RIMS2: variants seen among roughly 807,000 people sequenced by gnomAD.
RIMS2 encodes regulating synaptic membrane exocytosis protein 2.
In RIMS2, 59 loss-of-function variants were observed where a neutral mutation model predicts 174.4. The ratio of observed to expected loss-of-function variants is 0.34; its 90% confidence interval spans 0.27 to 0.42. The LOEUF (loss-of-function observed/expected upper bound fraction) is 0.42. RIMS2 is among the 10% of genes least tolerant of loss of function. The probability of loss-of-function intolerance (pLI) is 1.00; values close to 1 mark genes in which losing one functional copy is unlikely to be tolerated. For missense variants in RIMS2, 1,620 were observed against 1,666.3 expected, an observed-to-expected ratio of 0.97 and a Z score of 0.48; for synonymous variants, 606 against 572.5, an observed-to-expected ratio of 1.06 and a Z score of -0.84.
intron 1 of RIMS2, among the ~76,000 whole-genome samples, chr8:103,579,708 A>T (rs534971584): frequency 6.6e-6 from 1 of 152,358 alleles, no homozygotes; most frequent in South Asian, 2.1e-4. Context: ...ATATAATACC[A>T]GAAGCGTTGC....
intron 4 of RIMS2, among the ~76,000 whole-genome samples, chr8:103,906,242 G>GTTTTGT (rs967595206): frequency 1.4e-4 from 22 of 151,902 alleles, no homozygotes; most frequent in Non-Finnish European, 2.9e-4. Context: ...GTTTTGTTTT[G>GTTTTGT]TTTTGTTTTT....
intron 2 of RIMS2, among the ~76,000 whole-genome samples, chr8:103,726,278 T>C (rs2097526739): frequency 6.6e-6 from 1 of 152,234 alleles, no homozygotes; most frequent in East Asian, 1.9e-4. Flanking sequence ...TGTATCCCCA[T>C]TGTAAGTCAA....
At chr8:104,171,460 AGTGTGT>A (rs1360025250) in intron 19 of RIMS2, among the ~76,000 whole-genome samples, 1 of 150,914 alleles carries the variant, frequency 6.6e-6, no homozygotes, top group Non-Finnish European at 1.5e-5. Context: ...TATTTCCCTA[AGTGTGT>A]CTTTTATATC....
At chr8:104,233,972 G>A (rs746484495) in intron 19 of RIMS2, among the ~76,000 whole-genome samples, 1 of 152,128 alleles carries the variant, frequency 6.6e-6, no homozygotes, top group Non-Finnish European at 1.5e-5. Flanking sequence ...GTTCAATTTG[G>A]CCAATAGGCT....
intron 1 of RIMS2, among the ~76,000 whole-genome samples, chr8:103,567,133 A>T (rs1299113215): frequency 1.3e-5 from 2 of 152,198 alleles, no homozygotes; most frequent in East Asian, 3.9e-4. Context: ...CTCAAGGGTC[A>T]TTCATGTCAT....
intron 1 of RIMS2, among the ~76,000 whole-genome samples, chr8:103,548,856 G>C (rs1047054981): frequency 1.3e-5 from 2 of 152,014 alleles, no homozygotes; most frequent in Non-Finnish European, 2.9e-5. Flanking sequence ...AAAACCAAAA[G>C]CATTTTTATA....
chr8:104,222,688 T>A (rs2099160997), intron 19 of RIMS2, among the ~76,000 whole-genome samples: 1 of 152,200 alleles, frequency 6.6e-6, no homozygotes, highest in Non-Finnish European at 1.5e-5. Context: ...TTTGCCCTAG[T>A]ATGTTTGTGT....
chr8:104,115,769 T>A (rs1379165206), intron 19 of RIMS2, among the ~76,000 whole-genome samples: 1 of 152,138 alleles, frequency 6.6e-6, no homozygotes, highest in East Asian at 1.9e-4. Context: ...GGAATGGTGG[T>A]GAGCTGGAGA....
chr8:103,902,198 G>A (rs2073291968), intron 4 of RIMS2, among the ~76,000 whole-genome samples: 1 of 152,104 alleles, frequency 6.6e-6, no homozygotes, highest in Admixed American at 6.6e-5. Flanking sequence ...GTTCCTAGAA[G>A]GTATCCACAG....
chr8:103,555,345 A>C (rs1024926043), intron 1 of RIMS2, among the ~76,000 whole-genome samples: 2 of 152,156 alleles, frequency 1.3e-5, no homozygotes, highest in East Asian at 3.8e-4. Flanking sequence ...TAGAATGACT[A>C]CTATAAAAAA....
At chr8:103,658,462 A>G (rs1779957822) in intron 1 of RIMS2, among the ~76,000 whole-genome samples, 1 of 152,196 alleles carries the variant, frequency 6.6e-6, no homozygotes, top group Non-Finnish European at 1.5e-5. Flanking sequence ...ATACCAGAAG[A>G]ATTACAATCT....
chr8:104,038,060 G>A (rs10095482), intron 19 of RIMS2, among the ~76,000 whole-genome samples: 34,294 of 151,764 alleles, frequency 0.23, 4,024 homozygotes, highest in South Asian at 0.35. Flanking sequence ...ATACCATGTA[G>A]GTTTGTGTAA....
chr8:103,973,466 C>T (rs2093112003), intron 15 of RIMS2, among the ~76,000 whole-genome samples: 1 of 151,834 alleles, frequency 6.6e-6, no homozygotes, highest in Admixed American at 6.6e-5. Context: ...TAAAATAACA[C>T]AATTAAAAAG....
At chr8:104,055,105 T>A (rs189508145) in intron 19 of RIMS2, among the ~76,000 whole-genome samples, 1 of 152,106 alleles carries the variant, frequency 6.6e-6, no homozygotes, top group African/African-American at 2.4e-5. Flanking sequence ...AATGTACATA[T>A]TATCATAGGA....
chr8:104,204,303 C>T (rs1303065227), intron 19 of RIMS2, among the ~76,000 whole-genome samples: 1 of 152,196 alleles, frequency 6.6e-6, no homozygotes, highest in East Asian at 1.9e-4. Context: ...GTGATATTCA[C>T]ATTATAATCA....
At chr8:103,943,252 G>A (rs1294560615) in intron 14 of RIMS2, among the ~76,000 whole-genome samples, 2 of 152,118 alleles carry the variant, frequency 1.3e-5, no homozygotes, top group Non-Finnish European at 2.9e-5. Flanking sequence ...GCTAATATGA[G>A]TTTAGCCACA....
At chr8:103,795,648 C>T (rs2098544541) in intron 3 of RIMS2, among the ~76,000 whole-genome samples, 1 of 151,948 alleles carries the variant, frequency 6.6e-6, no homozygotes, top group South Asian at 2.1e-4. Flanking sequence ...GTTTTTCCCA[C>T]CAGATGGCGA....
At chr8:103,692,818 A>G (rs114943489) in intron 1 of RIMS2, among the ~76,000 whole-genome samples, 4,719 of 152,244 alleles carry the variant, frequency 0.031, 221 homozygotes, top group African/African-American at 0.1. Flanking sequence ...TCTCAGAACT[A>G]TGAGCTCTGC....
At chr8:104,035,080 T>C (rs1481685396) in intron 19 of RIMS2, among the ~76,000 whole-genome samples, 1 of 152,162 alleles carries the variant, frequency 6.6e-6, no homozygotes, top group Non-Finnish European at 1.5e-5. Context: ...CTTATATAGT[T>C]CAGAATTTAT....
Sources: allele counts gnomAD v4.1 joint callset (sites outside exome capture counted in the v4.1 genomes callset), GRCh38; gene constraint gnomAD v4.1.1; transcripts MANE v1.5; gene names NCBI Gene and HGNC (gene_info 2026-07-23, HGNC 2026-07-21).